TRPM8: variants seen among roughly 807,000 people sequenced by gnomAD.
The protein encoded by TRPM8 is TRPM8 cationic channel.
A neutral mutation model predicts 133.7 loss-of-function variants in TRPM8; 110 were observed. The ratio of observed to expected loss-of-function variants is 0.82; its 90% CI spans 0.70 to 0.96. The LOEUF (loss-of-function observed/expected upper bound fraction) is 0.96. TRPM8 is among the 40% of genes least tolerant of loss of function. The pLI, the probability that TRPM8 is intolerant of heterozygous loss-of-function variation, is 0.00. For missense variants in TRPM8, 1,291 were observed against 1,379.5 expected (o/e 0.94, Z 1.02); for synonymous variants, 535 against 532.3 (o/e 1.01, Z -0.07).
chr2:233,961,800 T>C (rs1423682698), intron 12 of TRPM8, among the ~76,000 whole-genome samples: 1 of 151,714 alleles, frequency 6.6e-6, no homozygotes, highest in Admixed American at 6.6e-5. Context: ...TGGCTAATTT[T>C]TGTATTTTTA....
chr2:234,006,891 G>A lies in TRPM8; in HGVS notation c.3169G>A (p.Gly1057Ser). The A allele has an allele frequency of 6.2e-7, 1 of 1,613,838 alleles. No homozygotes were observed. The highest frequency in any genetic ancestry group is 8.5e-7 in the Non-Finnish European group (1 of 1,179,866). The change falls in exon 23 of 26, where the codon GGT becomes AGT. Residue 1057 changes from glycine (G) to serine (S), a missense_variant. Transcript: ENST00000324695. ...NEDNETLAWE[G>S]VMKENYLVKI... is the part of the protein sequence containing the mutation. ...AGACAATGAGACTCTGGCATGGGAG[G>A]GTGTCATGAAGGAAAACTACCTTGT... is the stretch of plus-strand genomic sequence containing the variant.
intron 1 of TRPM8, among the ~76,000 whole-genome samples, chr2:233,924,207 G>A (rs181959001): frequency 1.2e-3 from 186 of 152,328 alleles, no homozygotes; most frequent in African/African-American, 4.1e-3. Context: ...CTCATGCTGG[G>A]CATGGACATC....
chr2:233,964,746 C>T lies in TRPM8; in HGVS notation c.1868C>T (p.Thr623Ile). The T allele has an allele frequency of 6.2e-7, 1 of 1,611,500 alleles. No homozygotes were observed. The highest frequency in any genetic ancestry group is 8.5e-7 in the Non-Finnish European group (1 of 1,178,194). ...ESEELANEYETRAVELFTECY... is the reference protein window; with the variant it reads ...ESEELANEYEIRAVELFTECY... ...GAGGAGCTGGCTAATGAGTACGAGACCCGGGCTGTTGGTGAGTCCACAGTG... is the reference window on the plus strand; with the variant it reads ...GAGGAGCTGGCTAATGAGTACGAGATCCGGGCTGTTGGTGAGTCCACAGTG... The change falls in exon 14 of 26, where the codon ACC becomes ATC. Residue 623 changes from threonine (T) to isoleucine (I), a missense_variant. Physicochemically the swap from Thr to Ile is moderately conservative, Grantham distance 89. Coordinates refer to ENST00000324695, the MANE Select transcript of TRPM8 (RefSeq NM_024080.5).
At chr2:233,982,728 G>T (rs1334164056) in intron 19 of TRPM8, among the ~76,000 whole-genome samples, 1 of 152,194 alleles carries the variant, frequency 6.6e-6, no homozygotes, top group Non-Finnish European at 1.5e-5. Flanking sequence ...ATGAGGTACA[G>T]GGACAGAGAG....
chr2:234,008,255 C>A, intron 24 of TRPM8, 152 bp downstream of exon 24: 1 of 749,542 alleles, frequency 1.3e-6, no homozygotes, highest in Non-Finnish European at 2.1e-6. Flanking sequence ...AATGGTATTG[C>A]TTCTCATGCT....
At chr2:233,958,949 G>A (rs574748204) in intron 11 of TRPM8, among the ~76,000 whole-genome samples, 11 of 151,832 alleles carry the variant, frequency 7.2e-5, no homozygotes, top group South Asian at 6.3e-4. Context: ...CCAAGGCTCC[G>A]GGAAGCAGCT....
chr2:233,960,807 C>T lies in TRPM8; in HGVS notation c.1394C>T (p.Ala465Val), dbSNP rs778326469. ...GACCTTCAAGAAGTCATGTTTACGG[C>T]TCTCATAAAGGACAGACCCAAGTTT... ...SADLQEVMFT[A>V]LIKDRPKFVR... Residue 465 changes from alanine (A) to valine (V), a missense_variant, in exon 12 of 26, where the codon GCT becomes GTT. Around this residue, in one of 2 missense-constraint regions of TRPM8, gnomAD observed 963 missense variants for 968.9 expected, o/e 0.99. Coordinates refer to ENST00000324695, the MANE Select transcript of TRPM8 (RefSeq NM_024080.5). 1 of 1,614,130 alleles carries T rather than the reference C, an allele frequency of 6.2e-7. No individual in the cohort carries two copies. The highest frequency in any genetic ancestry group is 8.5e-7 in the Non-Finnish European group (1 of 1,179,982).
At chr2:233,958,496 T>C (rs1267822787) in intron 11 of TRPM8, among the ~76,000 whole-genome samples, 1 of 152,182 alleles carries the variant, frequency 6.6e-6, no homozygotes, top group Non-Finnish European at 1.5e-5. Context: ...GAAATTCCAA[T>C]ACTGACTCCC....
At position 234,017,563 on chromosome 2, in the gene TRPM8, T is replaced by C; in HGVS notation, c.*307T>C. ...ATAGTTTAAGTGTGTTCTTACCGCC[T>C]CCTTTTTCCTTTAATCTTATTTTTG... On this transcript the variant is annotated 3_prime_UTR_variant, in exon 26 of 26. Transcript: ENST00000324695. The C allele has an allele frequency of 3.3e-6, 1 of 302,706 alleles. No homozygotes were observed. The highest frequency in any genetic ancestry group is 6.5e-6 in the Non-Finnish European group (1 of 153,728). 18.8% of individuals were successfully genotyped at this position (302,706 alleles called of 1,614,324 possible). A position where few individuals can be genotyped will look rare whatever the true frequency, so the allele number is the denominator to read the frequency against.
At chr2:233,996,291 A>G in intron 21 of TRPM8, 35 bp from the exon 22 acceptor site, 1 of 1,604,830 alleles carries the variant, frequency 6.2e-7, no homozygotes, top group African/African-American at 1.3e-5. Flanking sequence ...GGCATGCGCA[A>G]TGCTAAGTCT....
intron 11 of TRPM8, 62 bp from the exon 12 acceptor site, chr2:233,960,714 T>A (rs11563212): frequency 7.2e-7 from 1 of 1,391,974 alleles, no homozygotes; most frequent in East Asian, 2.3e-5. Context: ...GAAAAATGCC[T>A]AGTGCTTTCC....
At chr2:233,929,542 G>A (rs1691641058) in intron 2 of TRPM8, among the ~76,000 whole-genome samples, 3 of 152,214 alleles carry the variant, frequency 2.0e-5, no homozygotes, top group South Asian at 4.1e-4. Flanking sequence ...AGTTGTCTGA[G>A]AACTCCAGCT....
Position 233,953,910 on chromosome 2 carries a change from T to C in TRPM8, c.1141-7T>C. On this transcript the variant is annotated splice_region_variant and splice_polypyrimidine_tract_variant and intron_variant, in intron 9 of 25. Coordinates refer to ENST00000324695, the MANE Select transcript of TRPM8 (RefSeq NM_024080.5). ...TTGGCTGACACTTTGTTCTTTAATT[T>C]CGCCAGCTCAAAGAAATTCTCGAAT... 6.2e-7 allele frequency: 1 copy of C among 1,608,530 alleles called. No homozygotes were observed. The highest frequency in any genetic ancestry group is 8.5e-7 in the Non-Finnish European group (1 of 1,177,430).
chr2:233,931,987 G>A (rs1241677035), intron 3 of TRPM8, among the ~76,000 whole-genome samples: 1 of 152,248 alleles, frequency 6.6e-6, no homozygotes, highest in African/African-American at 2.4e-5. Context: ...AGAGACTTGA[G>A]CCCGGGCTTT....
chr2:233,984,710 G>A (rs913548379), intron 20 of TRPM8, among the ~76,000 whole-genome samples: 10 of 152,134 alleles, frequency 6.6e-5, no homozygotes, highest in African/African-American at 2.2e-4. Flanking sequence ...CTGCCAGAGC[G>A]ATTCTTTGGA....
intron 24 of TRPM8, among the ~76,000 whole-genome samples, chr2:234,009,916 G>A (rs952208357): frequency 3.9e-5 from 6 of 151,934 alleles, no homozygotes; most frequent in Non-Finnish European, 8.8e-5. Context: ...CACTACAACC[G>A]AGCCCAGCTA....
rs576891885 is a variant in TRPM8, at chr2:234,003,377, C to T, written c.3131-3476C>T. Among the ~76,000 whole-genome samples, 14 of 152,292 alleles carry T rather than the reference C, an allele frequency of 9.2e-5. No individual in the cohort carries two copies. The South Asian group carries it at 1.0e-3, about 11-fold the overall frequency. On this transcript the variant is annotated intron_variant, in intron 22 of 25. Coordinates refer to ENST00000324695, the MANE Select transcript of TRPM8 (RefSeq NM_024080.5). Reference sequence around the variant, plus strand: ...GTGTTTTGACAATTTGGATAAGTTGCGTCTTTCTTTCCATCGTTTTGCCTT... The same window carrying T: ...GTGTTTTGACAATTTGGATAAGTTGTGTCTTTCTTTCCATCGTTTTGCCTT...
At chr2:233,994,049 T>C (rs1383489986) in intron 21 of TRPM8, among the ~76,000 whole-genome samples, 1 of 152,238 alleles carries the variant, frequency 6.6e-6, no homozygotes, top group Non-Finnish European at 1.5e-5. Context: ...CTCTTCTTAT[T>C]TTTAGGTTAA....
chr2:234,017,905 A>T lies in TRPM8; in HGVS notation c.*649A>T, dbSNP rs201233369. On this transcript the variant is annotated 3_prime_UTR_variant, in exon 26 of 26. Coordinates refer to ENST00000324695, the MANE Select transcript of TRPM8 (RefSeq NM_024080.5). Reference sequence around the variant, plus strand: ...GGCTCCTATTGAAGGAACCACCCCCATTCCTAAATATGTGAAAAGTCGCCC... The same window carrying T: ...GGCTCCTATTGAAGGAACCACCCCCTTTCCTAAATATGTGAAAAGTCGCCC... 1 of 152,160 alleles carries T rather than the reference A, an allele frequency of 6.6e-6. No homozygotes were observed. Among genetic ancestry groups the T allele is most frequent in the African/African-American group, 2.4e-5 (1 of 41,432 alleles). The allele number at this position is 152,160 out of a possible 1,614,324, so 9.4% of individuals were successfully genotyped here.
Sources: gnomAD v4.1 joint callset for allele counts (sites outside exome capture counted in the v4.1 genomes callset) on GRCh38, gnomAD v4.1.1 for gene constraint, gnomAD v4.1.1 regional missense constraint, MANE v1.5 for transcripts, NCBI Gene and HGNC (gene_info 2026-07-23, HGNC 2026-07-21) for gene names.